IPO7: variants seen among roughly 807,000 people sequenced by gnomAD.
IPO7 encodes the protein importin-7.
In IPO7, 13 loss-of-function variants were observed where a neutral mutation model predicts 136.4. The ratio of observed to expected loss-of-function variants is 0.10; its 90% confidence interval spans 0.06 to 0.15. The LOEUF (loss-of-function observed/expected upper bound fraction) is 0.15. Ranked by LOEUF, IPO7 falls within the 10% of genes least tolerant of loss-of-function variation. The pLI, the probability that IPO7 is intolerant of heterozygous loss-of-function variation, is 1.00. For missense variants in IPO7, 857 were observed against 1,240.6 expected (o/e 0.69, Z 4.65); for synonymous variants, 403 against 404.4 (o/e 1.00, Z 0.04).
intron 5 of IPO7, among the ~76,000 whole-genome samples, chr11:9,415,519 T>C (rs1244227900): frequency 2.0e-5 from 3 of 152,098 alleles, no homozygotes; most frequent in African/African-American, 7.2e-5. Flanking sequence ...GTTCTAAATT[T>C]TTCTAGGATA....
intron 1 of IPO7, among the ~76,000 whole-genome samples, chr11:9,399,175 T>TC (rs1854757413): frequency 6.6e-6 from 1 of 151,964 alleles, no homozygotes; most frequent in Non-Finnish European, 1.5e-5. Context: ...GCTTTTTTTT[T>TC]TTTTTTTGAC....
chr11:9,395,121 G>A (rs985740880), intron 1 of IPO7, among the ~76,000 whole-genome samples: 47 of 152,142 alleles, frequency 3.1e-4, no homozygotes, highest in African/African-American at 1.1e-3. Context: ...AGCATCTTCT[G>A]AGGCCTGTAT....
At chr11:9,408,401 G>T (rs1854918114) in intron 2 of IPO7, 85 bp from the exon 3 acceptor site, 2 of 777,476 alleles carry the variant, frequency 2.6e-6, no homozygotes, top group Admixed American at 3.9e-5. Context: ...TAGTGTGAAA[G>T]AAATACTTGA....
In IPO7 at chr11:9,410,075, G is replaced by A; in HGVS notation, c.468G>A (p.Val156=). 1 of 1,583,980 alleles carries A rather than the reference G, an allele frequency of 6.3e-7. No individual in the cohort carries two copies. Among genetic ancestry groups the A allele is most frequent in the South Asian group, 1.2e-5 (1 of 85,472 alleles). ...TTCTTCTTTGCCTTTATCAGCTTGT[G>A]AAAAATTATGAGTAAGTGTTTCTTT... ...LGILLCLYQL[V]KNYEYKKPEE... Residue 156 remains valine (V), a synonymous_variant, in exon 4 of 25, where the codon GTG becomes GTA. Transcript: ENST00000379719.
At chr11:9,385,389 C>T (rs563893723) in intron 1 of IPO7, among the ~76,000 whole-genome samples, 1 of 152,288 alleles carries the variant, frequency 6.6e-6, no homozygotes, top group Non-Finnish European at 1.5e-5. Context: ...CTAGGGAAGG[C>T]TTTCAAAGGC....
At chr11:9,431,356 A>G (rs981296909) in intron 16 of IPO7, among the ~76,000 whole-genome samples, 4 of 152,146 alleles carry the variant, frequency 2.6e-5, no homozygotes, top group Admixed American at 2.0e-4. Flanking sequence ...TTAAGTATAT[A>G]GTTCACTAAT....
chr11:9,414,817 G>C (rs978219446), intron 5 of IPO7, among the ~76,000 whole-genome samples: 6 of 150,766 alleles, frequency 4.0e-5, no homozygotes, highest in Non-Finnish European at 5.9e-5. Flanking sequence ...ATGGAGACAG[G>C]GTTTCACCAT....
chr11:9,429,361 C>G (rs1855260532), intron 14 of IPO7, among the ~76,000 whole-genome samples, 165 bp downstream of exon 14: 1 of 151,918 alleles, frequency 6.6e-6, no homozygotes, highest in Non-Finnish European at 1.5e-5. Flanking sequence ...TAAAAATTAA[C>G]TGGACATAGT....
chr11:9,409,937 T>C lies in IPO7; in HGVS notation c.330T>C (p.Leu110=). Residue 110 remains leucine, a synonymous_variant, in exon 4 of 25, where the codon CTT becomes CTC. Coordinates refer to ENST00000379719, the MANE Select transcript of IPO7 (RefSeq NM_006391.3). ...TTTTTTTGGCTTCCAGGGTACAGCT[T>C]ACTACATGCATTCATCACATCATCA... ...IHSPELIRVQ[L]TTCIHHIIKH... is the part of the protein sequence containing the mutation. 1 of 1,559,622 alleles carries C rather than the reference T, an allele frequency of 6.4e-7. No individual in the cohort carries two copies. The highest frequency in any genetic ancestry group is 8.6e-7 in the Non-Finnish European group (1 of 1,157,486).
intron 2 of IPO7, among the ~76,000 whole-genome samples, chr11:9,403,852 G>GTGTA (rs1491402351): frequency 6.6e-6 from 1 of 152,062 alleles, no homozygotes; most frequent in Non-Finnish European, 1.5e-5. Flanking sequence ...AAATAATGTA[G>GTGTA]TGTACATTTT....
intron 12 of IPO7, among the ~76,000 whole-genome samples, chr11:9,427,225 A>G (rs915474593): frequency 6.6e-6 from 1 of 152,186 alleles, no homozygotes; most frequent in Non-Finnish European, 1.5e-5. Context: ...AAAGCCAGGC[A>G]CTAAGTACTC....
At chr11:9,432,311 C>T (rs1311664231) in intron 16 of IPO7, among the ~76,000 whole-genome samples, 1 of 151,678 alleles carries the variant, frequency 6.6e-6, no homozygotes, top group East Asian at 1.9e-4. Flanking sequence ...AAGTGATTCT[C>T]CTGCCTCAGC....
chr11:9,401,416 AGTGTGGTGGCTCATGCCT>A (rs1045630608), intron 1 of IPO7, among the ~76,000 whole-genome samples: 3 of 152,070 alleles, frequency 2.0e-5, no homozygotes, highest in Non-Finnish European at 4.4e-5. Context: ...AAGCAGGCTA[AGTGTGGTGGCTCATGCCT>A]GTGATCCCAG....
intron 18 of IPO7, among the ~76,000 whole-genome samples, chr11:9,434,158 G>C (rs1246193593): frequency 6.6e-6 from 1 of 151,740 alleles, no homozygotes; most frequent in Non-Finnish European, 1.5e-5. Context: ...CCCGACCTGA[G>C]GTGATCCGCC....
At chr11:9,403,455 C>G in intron 2 of IPO7, 84 bp downstream of exon 2, 1 of 1,046,712 alleles carries the variant, frequency 9.6e-7, no homozygotes, top group South Asian at 1.4e-5. Flanking sequence ...CTTGGGATGG[C>G]CCTTTGGCAA....
chr11:9,433,551 T>A lies in IPO7; in HGVS notation c.1882-19T>A. On this transcript the variant is annotated intron_variant, in intron 16 of 24. Transcript: ENST00000379719. ...TTAGTAGGCTGTAACTGCATATGATTTTTTTTCTTCTCTTTTAGATAACCC... is the reference window on the plus strand; with the variant it reads ...TTAGTAGGCTGTAACTGCATATGATATTTTTTCTTCTCTTTTAGATAACCC... 6.2e-7 allele frequency: 1 copy of A among 1,600,142 alleles called. No individual in the cohort carries two copies. Among genetic ancestry groups the A allele is most frequent in the Non-Finnish European group, 8.5e-7 (1 of 1,169,860 alleles).
At chr11:9,387,897 C>T (rs1303163542) in intron 1 of IPO7, among the ~76,000 whole-genome samples, 2 of 150,894 alleles carry the variant, frequency 1.3e-5, no homozygotes, top group Non-Finnish European at 2.9e-5. Context: ...CCTGGAATTC[C>T]AGCACTTTGG....
At chr11:9,424,581 T>C (rs1855177695) in intron 10 of IPO7, among the ~76,000 whole-genome samples, 1 of 152,034 alleles carries the variant, frequency 6.6e-6, no homozygotes, top group African/African-American at 2.4e-5. Context: ...CCATCTCTAC[T>C]AAAAATACAA....
At chr11:9,420,232 G>A (rs541574723) in intron 6 of IPO7, 179 bp from the exon 7 acceptor site, 32 of 512,622 alleles carry the variant, frequency 6.2e-5, no homozygotes, top group South Asian at 5.1e-4. Context: ...CGGGAGAATT[G>A]TGTGAACTCG....
Sources: gnomAD v4.1 joint callset for allele counts (sites outside exome capture counted in the v4.1 genomes callset) on GRCh38, gnomAD v4.1.1 for gene constraint, MANE v1.5 for transcripts, NCBI Gene and HGNC (gene_info 2026-07-23, HGNC 2026-07-21) for gene names.